The following IL1RAPL2 variants were observed in gnomAD, a reference collection of about 807,000 sequenced individuals.
IL1RAPL2 encodes X-linked interleukin-1 receptor accessory protein-like 2.
Under a neutral mutation model 44.1 loss-of-function variants are expected in IL1RAPL2, and 3 were observed. The ratio of observed to expected loss-of-function variants is 0.07; its 90% CI spans 0.03 to 0.18. The LOEUF is 0.18. Among genes scored for constraint, IL1RAPL2 ranks in the 10% least tolerant of loss-of-function variants. The probability of loss-of-function intolerance (pLI) is 1.00; values close to 1 mark genes in which losing one functional copy is unlikely to be tolerated. For synonymous variants in IL1RAPL2, 181 were observed against 178.8 expected (o/e 1.01, Z -0.10); for missense variants, 391 against 496.4 (o/e 0.79, Z 2.02).
At chrX:104,761,179 G>C (rs1449596570) in intron 2 of IL1RAPL2, among the ~76,000 whole-genome samples, 1 of 111,419 alleles carries the variant, frequency 9.0e-6, no homozygotes. Context: ...AAAAGAAAGA[G>C]ATTTGATTGA....
At chrX:105,107,376 T>C (rs1376607419) in intron 2 of IL1RAPL2, among the ~76,000 whole-genome samples, 2 of 112,008 alleles carry the variant, frequency 1.8e-5, no homozygotes, top group East Asian at 5.6e-4. Flanking sequence ...ACCTAAAAAC[T>C]GTGTAGCTGA....
chrX:105,759,638 T>A (rs1257643691), intron 10 of IL1RAPL2, among the ~76,000 whole-genome samples: 12 of 112,421 alleles, frequency 1.1e-4, no homozygotes, highest in African/African-American at 3.9e-4. Flanking sequence ...CTTTCAGTAA[T>A]TTAAGGGAAA....
At chrX:104,904,799 G>A (rs751601606) in intron 2 of IL1RAPL2, among the ~76,000 whole-genome samples, 122 of 108,119 alleles carry the variant, frequency 1.1e-3, no homozygotes, top group Non-Finnish European at 2.0e-3. Context: ...ATGATTTATA[G>A]TCCTTTGGGT....
chrX:105,511,430 T>C (rs1307683085), intron 6 of IL1RAPL2, among the ~76,000 whole-genome samples: 2 of 111,425 alleles, frequency 1.8e-5, no homozygotes, highest in East Asian at 2.8e-4. Flanking sequence ...TATATATATA[T>C]ACAAAAAGAG....
chrX:105,008,175 G>A (rs922140128), intron 2 of IL1RAPL2, among the ~76,000 whole-genome samples: 11 of 110,600 alleles, frequency 9.9e-5, no homozygotes, highest in Non-Finnish European at 1.1e-4. Flanking sequence ...AGGTGGAAGG[G>A]TGAGAGGGTG....
intron 2 of IL1RAPL2, among the ~76,000 whole-genome samples, chrX:105,031,520 G>T (rs924653106): frequency 6.3e-5 from 7 of 111,680 alleles, no homozygotes; most frequent in African/African-American, 2.3e-4. Flanking sequence ...TTTTGTCTTT[G>T]GTTATCTTTA....
At chrX:104,867,063 G>A (rs978417615) in intron 2 of IL1RAPL2, among the ~76,000 whole-genome samples, 2 of 108,254 alleles carry the variant, frequency 1.8e-5, no homozygotes, top group African/African-American at 6.7e-5. Flanking sequence ...GTGAAACCCC[G>A]TCTTTACTAA....
At chrX:105,261,244 T>A (rs1437189470) in intron 4 of IL1RAPL2, among the ~76,000 whole-genome samples, 1 of 112,177 alleles carries the variant, frequency 8.9e-6, no homozygotes, top group Non-Finnish European at 1.9e-5. Flanking sequence ...CCTGGCTCCA[T>A]GTTGCTTCCA....
chrX:104,860,466 G>A (rs1184375696), intron 2 of IL1RAPL2, among the ~76,000 whole-genome samples: 1 of 111,710 alleles, frequency 9.0e-6, no homozygotes, highest in Non-Finnish European at 1.9e-5. Flanking sequence ...GGAGCTATGT[G>A]TGACACAGTA....
At chrX:105,536,354 T>C (rs2036676987) in intron 6 of IL1RAPL2, among the ~76,000 whole-genome samples, 1 of 109,580 alleles carries the variant, frequency 9.1e-6, no homozygotes, top group African/African-American at 3.3e-5. Context: ...CATTACTTCT[T>C]AATTCTTTTT....
chrX:105,677,967 T>G (rs776308803), intron 6 of IL1RAPL2, among the ~76,000 whole-genome samples: 4 of 112,131 alleles, frequency 3.6e-5, no homozygotes, highest in Admixed American at 9.5e-5. Flanking sequence ...CCTGCCCATT[T>G]GTAGTTAAGT....
At chrX:105,693,237 T>A (rs2038050450) in intron 6 of IL1RAPL2, among the ~76,000 whole-genome samples, 2 of 112,167 alleles carry the variant, frequency 1.8e-5, no homozygotes, top group South Asian at 7.4e-4. Context: ...AGGATCTTGA[T>A]ATGATTTAGA....
intron 1 of IL1RAPL2, among the ~76,000 whole-genome samples, chrX:104,645,606 C>G (rs1032315089): frequency 8.9e-6 from 1 of 112,224 alleles, no homozygotes; most frequent in Non-Finnish European, 1.9e-5. Flanking sequence ...TTCTCTCTTT[C>G]CTTTCAAAAC....
At chrX:105,494,857 C>T (rs762578244) in intron 6 of IL1RAPL2, among the ~76,000 whole-genome samples, 1 of 111,452 alleles carries the variant, frequency 9.0e-6, no homozygotes, top group South Asian at 3.7e-4. Flanking sequence ...ACAGAGTCTA[C>T]ACAGAATAAG....
intron 1 of IL1RAPL2, among the ~76,000 whole-genome samples, chrX:104,650,868 T>C (rs1399987657): frequency 9.0e-6 from 1 of 111,682 alleles, no homozygotes; most frequent in African/African-American, 3.3e-5. Flanking sequence ...GAGATTGGGG[T>C]TTGTTGTCAC....
At chrX:104,860,512 C>T (rs1169417704) in intron 2 of IL1RAPL2, among the ~76,000 whole-genome samples, 7 of 111,519 alleles carry the variant, frequency 6.3e-5, no homozygotes, top group African/African-American at 1.6e-4. Context: ...TCCTTACCTT[C>T]GTAGAACATG....
intron 2 of IL1RAPL2, among the ~76,000 whole-genome samples, chrX:104,888,832 T>C (rs1923335329): frequency 8.9e-6 from 1 of 111,894 alleles, no homozygotes; most frequent in Non-Finnish European, 1.9e-5. Context: ...CCATTTCTGA[T>C]AGGACCAAGA....
At chrX:104,935,958 C>T (rs762285078) in intron 2 of IL1RAPL2, among the ~76,000 whole-genome samples, 1 of 112,032 alleles carries the variant, frequency 8.9e-6, no homozygotes, top group South Asian at 3.7e-4. Flanking sequence ...ACTAAAACCT[C>T]TGTCATTGCT....
intron 5 of IL1RAPL2, among the ~76,000 whole-genome samples, chrX:105,320,754 A>G (rs762390722): frequency 2.7e-5 from 3 of 111,724 alleles, no homozygotes; most frequent in Non-Finnish European, 5.6e-5. Context: ...GTGAATGTGT[A>G]GATGTATGAG....
Sources: allele counts gnomAD v4.1 joint callset (sites outside exome capture counted in the v4.1 genomes callset), GRCh38; gene constraint gnomAD v4.1.1; transcripts MANE v1.5; gene names NCBI Gene and HGNC (gene_info 2026-07-23, HGNC 2026-07-21).